Variants in UQCRFS1 observed in about 807,000 individuals in gnomAD.
UQCRFS1 encodes the protein ubiquinol-cytochrome c reductase, Rieske iron-sulfur polypeptide 1, also known as cytochrome b-c1 complex subunit Rieske, mitochondrial.
UQCRFS1 carries 6 observed loss-of-function variants against 15.6 expected under a neutral mutation model. The observed-to-expected ratio is 0.38, with a 90% CI of 0.21 to 0.76. The LOEUF (loss-of-function observed/expected upper bound fraction) is 0.76, where lower values mean the gene tolerates loss of function less well. Among genes scored for constraint, UQCRFS1 ranks in the 30% least tolerant of loss-of-function variants. UQCRFS1 has a pLI of 0.44. For synonymous variants in UQCRFS1, 105 were observed against 154.3 expected, an observed-to-expected ratio of 0.68 and a Z score of 2.37; for missense variants, 203 against 366.7, an observed-to-expected ratio of 0.55 and a Z score of 3.65.
chr19:29,209,619 A>G (rs1158278609), intron 1 of UQCRFS1, among the ~76,000 whole-genome samples: 7 of 152,320 alleles, frequency 4.6e-5, no homozygotes, highest in African/African-American at 1.7e-4. Flanking sequence ...CTGTGGAGTC[A>G]AAGTGACATT....
In UQCRFS1 at chr19:29,206,145, A is replaced by C. The variant is rs777398715; in HGVS notation, c.*1403T>G. 9 of 152,170 alleles carry C rather than the reference A, an allele frequency of 5.9e-5. No homozygotes were observed. The highest frequency in any genetic ancestry group is 1.2e-4 in the Non-Finnish European group (8 of 68,042). The allele number at this position is 152,170 out of a possible 1,614,324, so 9.4% of individuals were successfully genotyped here. ...CAACTCTGCCACCAACCCTTCCTCC[A>C]ACCCCCAATCCGAAGAGTGCCTCCA... On this transcript the variant is annotated 3_prime_UTR_variant, in exon 2 of 2. Transcript: ENST00000304863.
chr19:29,211,215 C>T (rs977184815), intron 1 of UQCRFS1, among the ~76,000 whole-genome samples: 2 of 151,486 alleles, frequency 1.3e-5, no homozygotes, highest in African/African-American at 2.4e-5. Flanking sequence ...AAAAAGTGGG[C>T]GAAGGACATG....
chr19:29,208,315 C>T (rs896063827), intron 1 of UQCRFS1, among the ~76,000 whole-genome samples, 157 bp from the exon 2 acceptor site: 4 of 152,134 alleles, frequency 2.6e-5, no homozygotes, highest in Non-Finnish European at 4.4e-5. Context: ...GTCAAATTGG[C>T]GGTGCTAGCA....
At chr19:29,211,980 G>C (rs1311934959) in intron 1 of UQCRFS1, among the ~76,000 whole-genome samples, 1 of 152,182 alleles carries the variant, frequency 6.6e-6, no homozygotes, top group Non-Finnish European at 1.5e-5. Flanking sequence ...TTCCCAAGTA[G>C]AAACTAGATC....
intron 1 of UQCRFS1, among the ~76,000 whole-genome samples, chr19:29,208,384 A>G (rs1197572753): frequency 2.6e-5 from 4 of 152,248 alleles, no homozygotes; most frequent in Non-Finnish European, 5.9e-5. Context: ...GTATGAAATC[A>G]CAAGATACTA....
chr19:29,208,825 G>A (rs1340780738), intron 1 of UQCRFS1, among the ~76,000 whole-genome samples: 1 of 152,094 alleles, frequency 6.6e-6, no homozygotes, highest in East Asian at 1.9e-4. Context: ...AATAGGCAGA[G>A]AAGGACATCC....
intron 1 of UQCRFS1, among the ~76,000 whole-genome samples, chr19:29,211,742 T>C (rs1470917130): frequency 6.6e-6 from 1 of 152,098 alleles, no homozygotes; most frequent in East Asian, 1.9e-4. Flanking sequence ...AGCAACTTAG[T>C]GGAAGGACCA....
intron 1 of UQCRFS1, among the ~76,000 whole-genome samples, chr19:29,212,676 G>C (rs903852970): frequency 2.1e-4 from 32 of 152,280 alleles, no homozygotes; most frequent in Admixed American, 1.6e-3. Flanking sequence ...GGACTACAGA[G>C]CTCGTGAACT....
intron 1 of UQCRFS1, among the ~76,000 whole-genome samples, chr19:29,209,769 A>G (rs1194598697): frequency 6.6e-6 from 1 of 152,160 alleles, no homozygotes; most frequent in East Asian, 1.9e-4. Context: ...AGATAAAGGA[A>G]TAAAAAGTTC....
At position 29,207,811 on chromosome 19, in the gene UQCRFS1, C is replaced by T; in HGVS notation, c.562G>A (p.Ala188Thr). Residue 188 changes from alanine (A) to threonine (T), a missense_variant, in exon 2 of 2, where the codon GCT becomes ACT. Coordinates refer to ENST00000304863, the MANE Select transcript of UQCRFS1 (RefSeq NM_006003.3). ...CTCAACTGTGATAATTCAACTGCAG[C>T]TTCCTGCTCAATTTCCTTCTGGGTT... ...HRTQKEIEQE[A>T]AVELSQLRDP... 6.2e-7 allele frequency: 1 copy of T among 1,614,042 alleles called. No individual in the cohort carries two copies. The highest frequency in any genetic ancestry group is 2.2e-5 in the East Asian group (1 of 44,892).
chr19:29,208,260 A>T, intron 1 of UQCRFS1, 102 bp from the exon 2 acceptor site: 1 of 1,442,576 alleles, frequency 6.9e-7, no homozygotes, highest in Non-Finnish European at 9.1e-7. Flanking sequence ...TAAAAAATCA[A>T]ATTCTAAAAA....
chr19:29,209,547 A>C (rs990118750), intron 1 of UQCRFS1, among the ~76,000 whole-genome samples: 5 of 152,174 alleles, frequency 3.3e-5, no homozygotes, highest in African/African-American at 1.2e-4. Context: ...TTTCTGACTA[A>C]ATCATTTCCT....
chr19:29,205,375 T>A lies in UQCRFS1; in HGVS notation c.*2173A>T, dbSNP rs1021543488. 9.2e-5 allele frequency: 14 copies of A among 152,228 alleles called. No homozygotes were observed. Among genetic ancestry groups the A allele is most frequent in the African/African-American group, 3.4e-4 (14 of 41,452 alleles). 9.4% of individuals were successfully genotyped at this position (152,228 alleles called of 1,614,324 possible). ...TGAAGAATTACTTCTGATATTTAAA[T>A]AGTATGTTCCTACAGTTTAGAAAAA... On this transcript the variant is annotated 3_prime_UTR_variant, in exon 2 of 2. Coordinates refer to ENST00000304863, the MANE Select transcript of UQCRFS1 (RefSeq NM_006003.3).
rs776479847 is a variant in UQCRFS1, at chr19:29,212,868, A to AC, written c.214+36dup. 973 of 1,383,062 alleles carry AC rather than the reference A, an allele frequency of 7.0e-4. 1 individual carries two copies. Among genetic ancestry groups the AC allele is most frequent in the Non-Finnish European group, 8.0e-4 (858 of 1,078,078 alleles). The allele number at this position is 1,383,062 out of a possible 1,614,324, so 85.7% of individuals were successfully genotyped here. On this transcript the variant is annotated intron_variant, in intron 1 of 1. Transcript: ENST00000304863. ...GGGCCGGAGGAGCGGGCACCGAGAG[A>AC]CCCCCAGCCCTGCTCGCGGCCCTCG... is the stretch of plus-strand genomic sequence containing the variant.
At chr19:29,210,615 T>G (rs1388578669) in intron 1 of UQCRFS1, among the ~76,000 whole-genome samples, 3 of 151,244 alleles carry the variant, frequency 2.0e-5, no homozygotes, top group Non-Finnish European at 4.4e-5. Context: ...GCAGTGTTTG[T>G]TTTTTGTCCT....
In UQCRFS1 at chr19:29,205,751, T is replaced by C. The variant is rs1027749696; in HGVS notation, c.*1797A>G. On this transcript the variant is annotated 3_prime_UTR_variant, in exon 2 of 2. Coordinates refer to ENST00000304863, the MANE Select transcript of UQCRFS1 (RefSeq NM_006003.3). ...TAAAAATGTTAACACAGGTCTGCCG[T>C]ATCCATTCAGCAAAACAGCATGAAG... The C allele has an allele frequency of 6.6e-5, 10 of 152,220 alleles. No individual in the cohort carries two copies. Among genetic ancestry groups the C allele is most frequent in the African/African-American group, 2.4e-4 (10 of 41,454 alleles). 9.4% of individuals were successfully genotyped at this position (152,220 alleles called of 1,614,324 possible).
chr19:29,208,568 T>G (rs1003178548), intron 1 of UQCRFS1, among the ~76,000 whole-genome samples: 1 of 152,132 alleles, frequency 6.6e-6, no homozygotes, highest in Non-Finnish European at 1.5e-5. Flanking sequence ...CCTCCCATAC[T>G]CTCTGGATTA....
intron 1 of UQCRFS1, among the ~76,000 whole-genome samples, chr19:29,211,906 C>G (rs982497765): frequency 6.6e-6 from 1 of 152,180 alleles, no homozygotes; most frequent in Non-Finnish European, 1.5e-5. Flanking sequence ...AAGACTGTGA[C>G]AAACTGGAGA....
intron 1 of UQCRFS1, 122 bp from the exon 2 acceptor site, chr19:29,208,280 T>C: frequency 3.1e-6 from 4 of 1,293,990 alleles, no homozygotes; most frequent in Non-Finnish European, 4.1e-6. Flanking sequence ...ATGTGAAATA[T>C]GGCACTCACT....
Sources: allele counts gnomAD v4.1 joint callset (sites outside exome capture counted in the v4.1 genomes callset), GRCh38; gene constraint gnomAD v4.1.1; transcripts MANE v1.5; gene names NCBI Gene and HGNC (gene_info 2026-07-23, HGNC 2026-07-21).